The following CACNA2D3 variants were observed in gnomAD, a reference collection of about 807,000 sequenced individuals.
CACNA2D3 encodes calcium voltage-gated channel auxiliary subunit alpha2delta 3.
CACNA2D3 carries 60 observed loss-of-function variants against 160.6 expected under a neutral mutation model. That is an observed-to-expected ratio of 0.37 (90% CI 0.30 to 0.46). CACNA2D3 has a LOEUF of 0.46. Ranked by LOEUF, CACNA2D3 falls within the 20% of genes least tolerant of loss-of-function variation. CACNA2D3 has a pLI of 1.00. For missense variants in CACNA2D3, 1,205 were observed against 1,365.0 expected (o/e 0.88, Z 1.85); for synonymous variants, 558 against 492.9 (o/e 1.13, Z -1.75).
intron 27 of CACNA2D3, among the ~76,000 whole-genome samples, chr3:54,908,836 G>T (rs763344571): frequency 6.6e-6 from 1 of 152,202 alleles, no homozygotes; most frequent in Non-Finnish European, 1.5e-5. Flanking sequence ...TGCTAAAATG[G>T]CAGAGCTGAG....
At chr3:54,405,935 G>C (rs1460276670) in intron 4 of CACNA2D3, among the ~76,000 whole-genome samples, 1 of 151,888 alleles carries the variant, frequency 6.6e-6, no homozygotes, top group Admixed American at 6.6e-5. Context: ...ATGGCCCACG[G>C]ATACACAGAA....
chr3:54,955,762 G>A (rs1470168479), intron 27 of CACNA2D3, among the ~76,000 whole-genome samples: 1 of 152,106 alleles, frequency 6.6e-6, no homozygotes, highest in African/African-American at 2.4e-5. Context: ...CTGCTGAGAA[G>A]GAGTTGGAGT....
intron 17 of CACNA2D3, among the ~76,000 whole-genome samples, chr3:54,853,235 C>A (rs1376057734): frequency 6.6e-6 from 1 of 152,102 alleles, no homozygotes; most frequent in Non-Finnish European, 1.5e-5. Context: ...AATCACCACT[C>A]TTGGAAAACG....
chr3:54,559,257 T>A (rs535795672), intron 5 of CACNA2D3, among the ~76,000 whole-genome samples: 1 of 152,292 alleles, frequency 6.6e-6, no homozygotes, highest in South Asian at 2.1e-4. Context: ...TTTATTCTCC[T>A]TCTTTGTCTT....
chr3:54,290,325 C>G (rs182840809), intron 2 of CACNA2D3, among the ~76,000 whole-genome samples: 121 of 152,248 alleles, frequency 7.9e-4, no homozygotes, highest in Non-Finnish European at 1.3e-3. Context: ...TCATCACTGG[C>G]CATCAGAGAA....
chr3:54,793,196 C>A (rs1702797043), intron 13 of CACNA2D3, among the ~76,000 whole-genome samples: 1 of 152,198 alleles, frequency 6.6e-6, no homozygotes, highest in African/African-American at 2.4e-5. Flanking sequence ...GTTCAGTCAT[C>A]TTTCTAGGAA....
At chr3:54,690,942 GATTATTCT>G (rs1700559307) in intron 11 of CACNA2D3, among the ~76,000 whole-genome samples, 1 of 152,092 alleles carries the variant, frequency 6.6e-6, no homozygotes, top group Non-Finnish European at 1.5e-5. Context: ...CCCTATGATT[GATTATTCT>G]ATTATTCTAT....
intron 4 of CACNA2D3, among the ~76,000 whole-genome samples, chr3:54,460,319 T>C (rs1187197993): frequency 6.6e-6 from 1 of 152,200 alleles, no homozygotes; most frequent in African/African-American, 2.4e-5. Flanking sequence ...AAGAAAGTTA[T>C]TGGTAGCTTG....
chr3:54,872,386 C>T (rs1392551966), intron 18 of CACNA2D3, among the ~76,000 whole-genome samples: 1 of 152,142 alleles, frequency 6.6e-6, no homozygotes, highest in African/African-American at 2.4e-5. Context: ...CCCTACTCTT[C>T]CCTTTTTCTA....
chr3:54,252,885 A>G (rs1702222671), intron 2 of CACNA2D3, among the ~76,000 whole-genome samples: 1 of 53,890 alleles, frequency 1.9e-5, no homozygotes, highest in South Asian at 5.6e-4. Context: ...CCCCCGGGAA[A>G]CACATAGTCC....
intron 2 of CACNA2D3, among the ~76,000 whole-genome samples, chr3:54,237,833 A>G (rs1315591168): frequency 6.6e-6 from 1 of 152,196 alleles, no homozygotes; most frequent in Non-Finnish European, 1.5e-5. Flanking sequence ...TGAGTTCCAC[A>G]AGTTCCATGG....
At chr3:54,229,731 C>T (rs930172818) in intron 2 of CACNA2D3, among the ~76,000 whole-genome samples, 2 of 152,136 alleles carry the variant, frequency 1.3e-5, no homozygotes, top group Non-Finnish European at 2.9e-5. Context: ...GACAATTCCC[C>T]AGTTATAAAA....
chr3:54,428,560 T>A (rs980179280), intron 4 of CACNA2D3, among the ~76,000 whole-genome samples: 24 of 152,122 alleles, frequency 1.6e-4, no homozygotes, highest in African/African-American at 5.1e-4. Context: ...AGTTAAAAAA[T>A]CTGGAACTTT....
At chr3:54,186,373 C>T (rs4373100) in intron 2 of CACNA2D3, among the ~76,000 whole-genome samples, 5,763 of 152,120 alleles carry the variant, frequency 0.038, 148 homozygotes, top group South Asian at 0.091. Context: ...CCACATCCTC[C>T]CAAGATATAT....
intron 17 of CACNA2D3, among the ~76,000 whole-genome samples, chr3:54,860,838 CTGAAAAATGA>C (rs1170835648): frequency 6.6e-6 from 1 of 152,110 alleles, no homozygotes; most frequent in Admixed American, 6.5e-5. Context: ...GTTTCCTCCG[CTGAAAAATGA>C]GAACAAAAAA....
At chr3:54,842,802 T>C (rs1162829571) in intron 16 of CACNA2D3, among the ~76,000 whole-genome samples, 2 of 151,630 alleles carry the variant, frequency 1.3e-5, no homozygotes, top group Admixed American at 1.3e-4. Flanking sequence ...GGTTTCACCA[T>C]GTTCACCAGG....
chr3:54,842,634 T>C (rs1173404029), intron 16 of CACNA2D3, among the ~76,000 whole-genome samples: 3 of 149,718 alleles, frequency 2.0e-5, no homozygotes, highest in Non-Finnish European at 3.0e-5. Context: ...AGGGTCTGGC[T>C]CTGTCACCCA....
At chr3:54,652,269 T>C (rs907669982) in intron 11 of CACNA2D3, among the ~76,000 whole-genome samples, 16 of 152,092 alleles carry the variant, frequency 1.1e-4, no homozygotes, top group Non-Finnish European at 1.8e-4. Flanking sequence ...TGTCTTAGGG[T>C]AATGCATTCA....
At chr3:54,813,969 A>G (rs1197866655) in intron 13 of CACNA2D3, among the ~76,000 whole-genome samples, 2 of 147,392 alleles carry the variant, frequency 1.4e-5, no homozygotes, top group Non-Finnish European at 3.0e-5. Flanking sequence ...GGCTCAGGTG[A>G]TTCTCCCCAC....
Sources: gnomAD v4.1 joint callset for allele counts (sites outside exome capture counted in the v4.1 genomes callset) on GRCh38, gnomAD v4.1.1 for gene constraint, MANE v1.5 for transcripts, NCBI Gene and HGNC (gene_info 2026-07-23, HGNC 2026-07-21) for gene names.